SORBS2: variants seen among roughly 807,000 people sequenced by gnomAD.
SORBS2 encodes the protein sorbin and SH3 domain-containing protein 2.
A neutral mutation model predicts 97.7 loss-of-function variants in SORBS2; 46 were observed. The ratio of observed to expected loss-of-function variants is 0.47; its 90% confidence interval spans 0.37 to 0.60. The LOEUF is 0.60. Among genes scored for constraint, SORBS2 ranks in the 20% least tolerant of loss-of-function variants. The pLI is 0.00. For synonymous variants in SORBS2, 476 were observed against 473.4 expected, an observed-to-expected ratio of 1.01 and a Z score of -0.07; for missense variants, 1,316 against 1,282.3, an observed-to-expected ratio of 1.03 and a Z score of -0.40.
rs146581133 is a variant in SORBS2 at position 185,677,048 on chromosome 4, C to T, written c.-46+1375G>A. On this transcript the variant is annotated intron_variant, in intron 4 of 20. Transcript: ENST00000284776. ...CCGCTGCAACTGCAGATTTTTGTCT[C>T]TCTTGCTGAAGAGGTATCTTTGCAG... The T allele has an allele frequency of 1.7e-3, 2,689 of 1,551,394 alleles. 34 individuals carry two copies. The African/African-American group carries it at 0.028, about 16-fold the overall frequency.
intron 1 of SORBS2, among the ~76,000 whole-genome samples, chr4:185,821,699 C>T (rs1458517297): frequency 6.6e-6 from 1 of 152,242 alleles, no homozygotes; most frequent in African/African-American, 2.4e-5. Context: ...GTTGGGATTA[C>T]AAGCGTGCAC....
chr4:185,623,193 T>C lies in SORBS2; in HGVS notation c.1936A>G (p.Ile646Val). The C allele has an allele frequency of 1.2e-6, 2 of 1,614,096 alleles. No individual in the cohort carries two copies. The highest frequency in any genetic ancestry group is 8.5e-7 in the Non-Finnish European group (1 of 1,180,022). ...CTCCCCCTTTTCTTTTCAGCTTTAATTTGGTCACAGATGTCTTTAAGGGCA... is the reference window on the plus strand; with the variant it reads ...CTCCCCCTTTTCTTTTCAGCTTTAACTTGGTCACAGATGTCTTTAAGGGCA... The change falls in exon 7 of 15, where the codon ATT becomes GTT. Residue 646 changes from isoleucine (I) to valine (V), a missense_variant. By Grantham distance (29) the Ile-to-Val change is conservative. Coordinates refer to ENST00000418609, the Ensembl canonical transcript of SORBS2. This position sits in a 1 kb window ranked among gnomAD's most constrained non-coding sequence, Gnocchi z 6.4.
Position 185,944,867 on chromosome 4 carries a change from C to T in SORBS2, c.-338+11329G>A, listed in dbSNP as rs12502029. 0.013 allele frequency among the ~76,000 whole-genome samples: 2,029 copies of T among 151,818 alleles called. 103 individuals carry two copies. The East Asian group carries it at 0.16, about 12-fold the overall frequency. Reference sequence around the variant, plus strand: ...GCACAGGTAAGTGCAAGATTAGCATCGCTACCAACAGCCGAAATATTTGGG... The same window carrying T: ...GCACAGGTAAGTGCAAGATTAGCATTGCTACCAACAGCCGAAATATTTGGG... On this transcript the variant is annotated intron_variant, in intron 1 of 20. Coordinates refer to the SORBS2 transcript ENST00000284776.
intron 1 of SORBS2, among the ~76,000 whole-genome samples, chr4:185,854,638 T>G (rs2099219708): frequency 6.6e-6 from 1 of 152,208 alleles, no homozygotes; most frequent in Non-Finnish European, 1.5e-5. Context: ...GAAATCTGTC[T>G]ACTGTGAATC....
At chr4:185,719,025 A>G (rs1191895028) in intron 2 of SORBS2, among the ~76,000 whole-genome samples, 1 of 152,204 alleles carries the variant, frequency 6.6e-6, no homozygotes, top group Non-Finnish European at 1.5e-5. Context: ...GGATTATTAA[A>G]TTCCATTAAA....
intron 1 of SORBS2, among the ~76,000 whole-genome samples, chr4:185,845,764 G>T (rs779649096): frequency 3.3e-5 from 5 of 152,110 alleles, no homozygotes; most frequent in East Asian, 1.9e-4. Flanking sequence ...TTTTGAACAG[G>T]TACTTTAACC....
intron 4 of SORBS2, among the ~76,000 whole-genome samples, chr4:185,631,534 G>T (rs1490207150): frequency 1.3e-5 from 2 of 152,116 alleles, no homozygotes; most frequent in African/African-American, 4.8e-5. Context: ...AGGCCAACGC[G>T]GGTGGATCAC....
intron 2 of SORBS2, among the ~76,000 whole-genome samples, chr4:185,741,214 G>A (rs918714683): frequency 1.3e-5 from 2 of 151,768 alleles, no homozygotes; most frequent in African/African-American, 4.8e-5. Flanking sequence ...GAGGGGCATC[G>A]TTAGAAACCT....
At chr4:185,928,519 T>A (rs2099264834) in intron 1 of SORBS2, among the ~76,000 whole-genome samples, 1 of 152,190 alleles carries the variant, frequency 6.6e-6, no homozygotes. Flanking sequence ...GGGGCCCCAG[T>A]ATCTCATGGA....
chr4:185,633,510 CAT>C (rs1160876782), intron 4 of SORBS2, among the ~76,000 whole-genome samples: 2 of 150,788 alleles, frequency 1.3e-5, no homozygotes, highest in African/African-American at 4.9e-5. Flanking sequence ...TAATAGAATG[CAT>C]AGAGTTAAGT....
chr4:185,770,236 C>T (rs138016235), intron 2 of SORBS2, among the ~76,000 whole-genome samples: 33 of 152,242 alleles, frequency 2.2e-4, no homozygotes, highest in East Asian at 1.9e-4. Flanking sequence ...TTTTCTCCAG[C>T]GTCATCTGCC....
At chr4:185,715,885 A>T (rs1450833002) in intron 2 of SORBS2, among the ~76,000 whole-genome samples, 1 of 152,256 alleles carries the variant, frequency 6.6e-6, no homozygotes, top group Admixed American at 6.5e-5. Context: ...GTGTAACAGA[A>T]TATTCTGAAA....
At chr4:185,801,579 G>A (rs553370042) in intron 1 of SORBS2, among the ~76,000 whole-genome samples, 254 of 152,278 alleles carry the variant, frequency 1.7e-3, no homozygotes, top group Middle Eastern at 3.4e-3. Flanking sequence ...GTGATGTTGA[G>A]CACGTTTCCA....
At chr4:185,906,784 C>T (rs1282782159) in intron 1 of SORBS2, among the ~76,000 whole-genome samples, 1 of 152,102 alleles carries the variant, frequency 6.6e-6, no homozygotes, top group Non-Finnish European at 1.5e-5. Flanking sequence ...ATCTTTTGCT[C>T]ATTATACCCC....
At chr4:185,756,461 T>C (rs1317984112) in intron 2 of SORBS2, among the ~76,000 whole-genome samples, 2 of 152,170 alleles carry the variant, frequency 1.3e-5, no homozygotes, top group Non-Finnish European at 1.5e-5. Context: ...AAAGAAATCA[T>C]ATCAGTCAGT....
chr4:185,705,818 T>G (rs1260284571), intron 2 of SORBS2, among the ~76,000 whole-genome samples: 1 of 152,160 alleles, frequency 6.6e-6, no homozygotes, highest in Admixed American at 6.5e-5. Context: ...GCCATTACAG[T>G]CCACCCCTTG....
intron 2 of SORBS2, among the ~76,000 whole-genome samples, chr4:185,707,377 T>G (rs914001162): frequency 3.3e-5 from 5 of 152,222 alleles, no homozygotes; most frequent in Admixed American, 3.3e-4. Context: ...AACACATAAC[T>G]TAGTTATTGA....
chr4:185,878,491 G>A (rs2099234926), intron 1 of SORBS2, among the ~76,000 whole-genome samples: 2 of 152,214 alleles, frequency 1.3e-5, no homozygotes, highest in South Asian at 2.1e-4. Flanking sequence ...CCCAGGAGCC[G>A]TACCTGGCGC....
At chr4:185,638,042 C>G (rs764233821) in intron 4 of SORBS2, 37 bp downstream of exon 15, 2 of 1,210,348 alleles carry the variant, frequency 1.7e-6, no homozygotes, top group South Asian at 2.4e-5. Context: ...ACAGTATACT[C>G]CTAGTTTTCT....
Sources: gnomAD v4.1 joint callset for allele counts (sites outside exome capture counted in the v4.1 genomes callset) on GRCh38, gnomAD v4.1.1 for gene constraint, Gnocchi (gnomAD v3.1) non-coding constraint, MANE v1.5 for transcripts, NCBI Gene and HGNC (gene_info 2026-07-23, HGNC 2026-07-21) for gene names.